KLHDC2: variants seen among roughly 807,000 people sequenced by gnomAD.
KLHDC2 encodes kelch domain-containing protein 2.
In KLHDC2, 38 loss-of-function variants were observed where a neutral mutation model predicts 62.3. The observed-to-expected ratio is 0.61, with a 90% CI of 0.47 to 0.80. KLHDC2 has a LOEUF of 0.80. Ranked by LOEUF, KLHDC2 falls within the 30% of genes least tolerant of loss-of-function variation. The probability of loss-of-function intolerance (pLI) is 0.00; values close to 1 mark genes in which losing one functional copy is unlikely to be tolerated. For missense variants in KLHDC2, 430 were observed against 495.3 expected (o/e 0.87, Z 1.25); for synonymous variants, 159 against 161.0 (o/e 0.99, Z 0.09).
intron 8 of KLHDC2, 185 bp from the exon 9 acceptor site, chr14:49,780,028 G>A (rs1889855091): frequency 3.2e-6 from 2 of 617,074 alleles, no homozygotes; most frequent in Admixed American, 3.0e-5. Flanking sequence ...GAAAGGAAAA[G>A]GTCTGAAGTT....
intron 3 of KLHDC2, among the ~76,000 whole-genome samples, chr14:49,775,110 T>C (rs942016658): frequency 6.6e-6 from 1 of 152,216 alleles, no homozygotes; most frequent in African/African-American, 2.4e-5. Context: ...TATAAAGTGG[T>C]GCCCAAAGAC....
At chr14:49,782,217 G>A in intron 10 of KLHDC2, 153 bp from the exon 11 acceptor site, 1 of 545,510 alleles carries the variant, frequency 1.8e-6, no homozygotes, top group Admixed American at 3.6e-5. Context: ...ATCTGCTTTT[G>A]CTACTTTCCC....
intron 10 of KLHDC2, among the ~76,000 whole-genome samples, chr14:49,781,292 C>CAGGA (rs1267495653): frequency 6.8e-6 from 1 of 146,922 alleles, no homozygotes; most frequent in African/African-American, 2.5e-5. Flanking sequence ...TTGCCTGAAC[C>CAGGA]AGGAAGGCAG....
rs34740472 is a variant in KLHDC2, at chr14:49,773,413, C to CA, written c.234-1129dup. Among the ~76,000 whole-genome samples the CA allele has an allele frequency of 6.1e-3, 428 of 70,126 alleles. 23 individuals carry two copies. The highest frequency in any genetic ancestry group is 0.021 in the African/African-American group (347 of 16,284). 46.0% of individuals were successfully genotyped at this position (70,126 alleles called of 152,430 possible). A position where few individuals can be genotyped will look rare whatever the true frequency, so the allele number is the denominator to read the frequency against. The stretch of plus-strand genomic sequence containing the variant: ...TGGGCGAAAGAGTCAGACTCCATCT[C>CA]AAAAAAAAAAAAAAAAAAATTTAAG... On this transcript the variant is annotated intron_variant, in intron 2 of 12. Coordinates refer to ENST00000298307, the MANE Select transcript of KLHDC2 (RefSeq NM_014315.3).
rs79654965 is a variant in KLHDC2, at chr14:49,779,602, C to T, written c.641C>T (p.Ala214Val). The T allele has an allele frequency of 3.5e-4, 565 of 1,613,774 alleles. 3 individuals carry two copies. In the East Asian group the frequency reaches 0.01, roughly 29 times the overall value. Residue 214 changes from alanine to valine, a missense_variant, in exon 7 of 13, where the codon GCA (alanine) becomes GTA (valine). Physicochemically the swap from Ala to Val is moderately conservative, Grantham distance 64 (BLOSUM62 0). Transcript: ENST00000298307. ...TWSQPITTGK[A>V]PSPRAAHACA... Reference sequence around the variant, plus strand: ...CTTATGTGCCTCTAATAGGGTAAAGCACCTTCACCTCGTGCTGCCCATGCC... The same window carrying T: ...CTTATGTGCCTCTAATAGGGTAAAGTACCTTCACCTCGTGCTGCCCATGCC...
rs1566643309 is a variant in KLHDC2 at position 49,785,124 on chromosome 14, T to C, written c.*2171T>C. The C allele has an allele frequency of 6.2e-7, 1 of 1,606,216 alleles. No homozygotes were observed. The highest frequency in any genetic ancestry group is 8.5e-7 in the Non-Finnish European group (1 of 1,173,058). On this transcript the variant is annotated 3_prime_UTR_variant, in exon 13 of 13. Transcript: ENST00000298307. ...CTTTTTCTGCACTCCAGGAGTAAGT[T>C]TCACTTTATATCTTTAAAAAGGAAT...
intron 11 of KLHDC2, 37 bp downstream of exon 11, chr14:49,782,494 C>T (rs376602844): frequency 1.3e-6 from 2 of 1,595,298 alleles, no homozygotes; most frequent in South Asian, 1.1e-5. Context: ...CTGAAACTTA[C>T]TTGCAAAGCA....
chr14:49,785,889 CAA>C lies in KLHDC2; in HGVS notation c.*2951_*2952del, dbSNP rs5808514. 2.0e-4 allele frequency: 25 copies of C among 124,090 alleles called. No individual in the cohort carries two copies. Among genetic ancestry groups the C allele is most frequent in the Admixed American group, 1.3e-3 (15 of 11,566 alleles). 7.7% of individuals were successfully genotyped at this position (124,090 alleles called of 1,614,324 possible). ...AGCCTGGGTGACAGAGACCCTGTCT[CAA>C]AAAAAAAAAAAAAAGGAAAAAAACT... On this transcript the variant is annotated 3_prime_UTR_variant, in exon 13 of 13. Transcript: ENST00000298307.
chr14:49,768,224 C>G lies in KLHDC2; in HGVS notation c.-245C>G. ...CAGTGCCCCGAGTCCCGGGCCCGCG[C>G]CGCCGCCGCCCGGCTCCGCTCGCGG... On this transcript the variant is annotated 5_prime_UTR_variant, in exon 1 of 13. Transcript: ENST00000298307. 2.8e-6 allele frequency: 1 copy of G among 353,656 alleles called. No individual in the cohort carries two copies. The highest frequency in any genetic ancestry group is 8.0e-5 in the South Asian group (1 of 12,538). The allele number at this position is 353,656 out of a possible 1,614,324, so 21.9% of individuals were successfully genotyped here. A position where few individuals can be genotyped will look rare whatever the true frequency, so the allele number is the denominator to read the frequency against.
intron 10 of KLHDC2, among the ~76,000 whole-genome samples, chr14:49,781,894 T>G (rs750395829): frequency 1.3e-5 from 2 of 152,174 alleles, no homozygotes; most frequent in Non-Finnish European, 2.9e-5. Context: ...CTGCATTTTT[T>G]CCCCAAGTAT....
intron 1 of KLHDC2, among the ~76,000 whole-genome samples, chr14:49,771,254 C>T (rs1889657904): frequency 6.6e-6 from 1 of 152,048 alleles, no homozygotes; most frequent in African/African-American, 2.4e-5. Flanking sequence ...GAGGCTGAGG[C>T]AGGAGAATCA....
chr14:49,780,265 G>C lies in KLHDC2; in HGVS notation c.826G>C (p.Val276Leu). 1 of 1,613,894 alleles carries C rather than the reference G, an allele frequency of 6.2e-7. No homozygotes were observed. Among genetic ancestry groups the C allele is most frequent in the Non-Finnish European group, 8.5e-7 (1 of 1,179,792 alleles). Residue 276 changes from valine (V) to leucine (L), a missense_variant, in exon 9 of 13, where the codon GTT becomes CTT. Val to Leu is a conservative substitution (Grantham distance 32, BLOSUM62 1). Coordinates refer to ENST00000298307, the MANE Select transcript of KLHDC2 (RefSeq NM_014315.3). Reference sequence around the variant, plus strand: ...TCGATCTTGGCACTCACTAACACCAGTTTCTTCAGATCATCTTTTTCTCTT... The same window carrying C: ...TCGATCTTGGCACTCACTAACACCACTTTCTTCAGATCATCTTTTTCTCTT... ...VGRSWHSLTP[V>L]SSDHLFLFGG...
intron 2 of KLHDC2, 100 bp downstream of exon 2, chr14:49,771,773 C>G (rs954147570): frequency 4.6e-6 from 3 of 654,622 alleles, no homozygotes; most frequent in Non-Finnish European, 5.6e-6. Context: ...GAGGCCAACG[C>G]GGGCGGATCT....
chr14:49,773,570 CT>C (rs569284056), intron 2 of KLHDC2, among the ~76,000 whole-genome samples: 67,784 of 74,172 alleles, frequency 0.91, 31,519 homozygotes, highest in South Asian at 0.98. Flanking sequence ...AAAATAATAA[CT>C]TTTTTTTTTT....
Position 49,779,810 on chromosome 14 carries a change from G to A in KLHDC2, c.773+4G>A, listed in dbSNP as rs1472255376. 6.3e-7 allele frequency: 1 copy of A among 1,599,970 alleles called. No homozygotes were observed. Among genetic ancestry groups the A allele is most frequent in the South Asian group, 1.1e-5 (1 of 90,698 alleles). ...ATACATGGGAGTGGAATGAATTGTA[G>A]GTATCACTTTAGATACATTTTTCCA... On this transcript the variant is annotated splice_donor_region_variant and intron_variant, in intron 8 of 12. Transcript: ENST00000298307.
At chr14:49,769,725 T>C (rs1889621715) in intron 1 of KLHDC2, among the ~76,000 whole-genome samples, 1 of 151,462 alleles carries the variant, frequency 6.6e-6, no homozygotes, top group African/African-American at 2.4e-5. Flanking sequence ...TCAGCTGAAG[T>C]CAGGAGCTCG....
intron 8 of KLHDC2, 21 bp downstream of exon 8, chr14:49,779,827 AT>A: frequency 6.3e-7 from 1 of 1,579,040 alleles, no homozygotes; most frequent in Non-Finnish European, 8.7e-7. Flanking sequence ...CTTTAGATAC[AT>A]TTTTCCAAAA....
Position 49,783,040 on chromosome 14 carries a change from C to T in KLHDC2, c.*87C>T. 1 of 1,413,652 alleles carries T rather than the reference C, an allele frequency of 7.1e-7. No homozygotes were observed. Among genetic ancestry groups the T allele is most frequent in the Non-Finnish European group, 9.7e-7 (1 of 1,034,914 alleles). 87.6% of individuals were successfully genotyped at this position (1,413,652 alleles called of 1,614,324 possible). A position where few individuals can be genotyped will look rare whatever the true frequency, so the allele number is the denominator to read the frequency against. ...GTGGCATCATTTGTATAATTATATG[C>T]ATTGTTGTAGTTTGCACCTGTTGGT... On this transcript the variant is annotated 3_prime_UTR_variant, in exon 13 of 13. Transcript: ENST00000298307.
At chr14:49,775,784 G>A (rs766658235) in intron 3 of KLHDC2, among the ~76,000 whole-genome samples, 23 of 152,048 alleles carry the variant, frequency 1.5e-4, no homozygotes, top group East Asian at 3.9e-4. Context: ...GCATCACTAC[G>A]CCCAGCTAAT....
Sources: gnomAD v4.1 joint callset for allele counts (sites outside exome capture counted in the v4.1 genomes callset) on GRCh38, gnomAD v4.1.1 for gene constraint, MANE v1.5 for transcripts, NCBI Gene and HGNC (gene_info 2026-07-23, HGNC 2026-07-21) for gene names.